Variants in ANKRD29 observed in about 807,000 individuals in gnomAD.
ANKRD29 encodes ankyrin repeat domain-containing protein 29.
In ANKRD29, 32 loss-of-function variants were observed where a neutral mutation model predicts 38.0. The ratio of observed to expected loss-of-function variants is 0.84; its 90% CI spans 0.64 to 1.13. The LOEUF (loss-of-function observed/expected upper bound fraction) is 1.13. Ranked by LOEUF, ANKRD29 falls within the 50% of genes most tolerant of loss-of-function variation. The probability of loss-of-function intolerance (pLI) is 0.00; values close to 1 mark genes in which losing one functional copy is unlikely to be tolerated. For missense variants in ANKRD29, 357 were observed against 377.9 expected (o/e 0.94, Z 0.46); for synonymous variants, 135 against 152.4 (o/e 0.89, Z 0.84).
In ANKRD29 at chr18:23,649,134, C is replaced by T; in HGVS notation, c.81G>A (p.Leu27=). ...GGCCGCTGTTCAACAGCAGCTTCAGCAGCGCCAGGTTTCCTCTCCTGGCTG... is the reference window on the plus strand; with the variant it reads ...GGCCGCTGTTCAACAGCAGCTTCAGTAGCGCCAGGTTTCCTCTCCTGGCTG... ...FWAARRGNLA[L]LKLLLNSGRV... is the part of the protein sequence containing the mutation. The change falls in exon 2 of 10, where the codon CTG becomes CTA. Residue 27 remains leucine (L), a synonymous_variant. Coordinates refer to ENST00000592179, the MANE Select transcript of ANKRD29 (RefSeq NM_173505.4). 3 of 1,614,226 alleles carry T rather than the reference C, an allele frequency of 1.9e-6. No individual in the cohort carries two copies. Among genetic ancestry groups the T allele is most frequent in the Non-Finnish European group, 2.5e-6 (3 of 1,180,008 alleles).
At chr18:23,608,120 A>G (rs1219315826) in intron 9 of ANKRD29, among the ~76,000 whole-genome samples, 1 of 152,190 alleles carries the variant, frequency 6.6e-6, no homozygotes, top group Non-Finnish European at 1.5e-5. Flanking sequence ...AATTGCTTTA[A>G]TTGTCTTTAT....
At chr18:23,617,312 T>C (rs570011314) in intron 8 of ANKRD29, among the ~76,000 whole-genome samples, 1 of 152,166 alleles carries the variant, frequency 6.6e-6, no homozygotes, top group Non-Finnish European at 1.5e-5. Flanking sequence ...ACTGACATAT[T>C]TTCTGAGGCT....
intron 2 of ANKRD29, chr18:23,646,497 T>C (rs1217165970): frequency 2.2e-6 from 1 of 464,604 alleles, no homozygotes; most frequent in Non-Finnish European, 3.8e-6. Flanking sequence ...GAATTTTCGA[T>C]GTAAAAATTC....
rs1446746287 is a variant in ANKRD29, at chr18:23,662,735, G to A, written c.-5C>T. ...CTTGAAGGACATCCTGCACATGTCCGCGGCCGCCCGAGCGGGAGCCGGCGC... is the reference window on the plus strand; with the variant it reads ...CTTGAAGGACATCCTGCACATGTCCACGGCCGCCCGAGCGGGAGCCGGCGC... On this transcript the variant is annotated 5_prime_UTR_variant, in exon 1 of 10. Coordinates refer to ENST00000592179, the MANE Select transcript of ANKRD29 (RefSeq NM_173505.4). The A allele has an allele frequency of 2.0e-6, 3 of 1,465,056 alleles. No homozygotes were observed. The highest frequency in any genetic ancestry group is 2.4e-5 in the Admixed American group (1 of 42,314). The allele number at this position is 1,465,056 out of a possible 1,614,324, so 90.8% of individuals were successfully genotyped here.
Position 23,630,449 on chromosome 18 carries a change from A to T in ANKRD29, c.430-498T>A, listed in dbSNP as rs1027075797. Among the ~76,000 whole-genome samples the T allele has an allele frequency of 5.9e-5, 9 of 151,836 alleles. No homozygotes were observed. The South Asian group carries it at 1.3e-3, about 21-fold the overall frequency. On this transcript the variant is annotated intron_variant, in intron 5 of 9. Coordinates refer to ENST00000592179, the MANE Select transcript of ANKRD29 (RefSeq NM_173505.4). ...TCAAAAAACAAAAAATCAAAAAACAAAAAACAAATAAAAATACAAAAATTA... is the reference window on the plus strand; with the variant it reads ...TCAAAAAACAAAAAATCAAAAAACATAAAACAAATAAAAATACAAAAATTA...
intron 4 of ANKRD29, among the ~76,000 whole-genome samples, chr18:23,635,525 T>C (rs1394540614): frequency 6.6e-6 from 1 of 152,218 alleles, no homozygotes; most frequent in South Asian, 2.1e-4. Context: ...TCTAGCGTTG[T>C]TGAGTTGTTT....
intron 4 of ANKRD29, among the ~76,000 whole-genome samples, chr18:23,636,308 A>AT (rs1232286653): frequency 1.3e-5 from 2 of 151,718 alleles, no homozygotes; most frequent in African/African-American, 2.4e-5. Flanking sequence ...CTTTTAAAAT[A>AT]TTTTTTACTT....
chr18:23,620,201 G>T (rs1045261115), intron 6 of ANKRD29, among the ~76,000 whole-genome samples: 1 of 152,122 alleles, frequency 6.6e-6, no homozygotes, highest in African/African-American at 2.4e-5. Flanking sequence ...TACTCTTCTA[G>T]TCTGGTGTCC....
intron 3 of ANKRD29, among the ~76,000 whole-genome samples, chr18:23,644,779 C>T (rs1040931778): frequency 6.6e-6 from 1 of 152,234 alleles, no homozygotes; most frequent in Non-Finnish European, 1.5e-5. Flanking sequence ...TCATGGCTCA[C>T]TGCAGCCTGT....
At chr18:23,603,530 G>A (rs1330582897) in intron 9 of ANKRD29, among the ~76,000 whole-genome samples, 1 of 152,224 alleles carries the variant, frequency 6.6e-6, no homozygotes, top group African/African-American at 2.4e-5. Flanking sequence ...CTACTCAGGA[G>A]GCTGAGGCAG....
chr18:23,619,429 G>T, intron 7 of ANKRD29, 102 bp downstream of exon 7: 2 of 1,119,734 alleles, frequency 1.8e-6, no homozygotes, highest in Non-Finnish European at 2.5e-6. Context: ...GAAGGAGGTT[G>T]GGAGGAAACC....
At chr18:23,652,925 T>C (rs2060227737) in intron 1 of ANKRD29, among the ~76,000 whole-genome samples, 1 of 152,258 alleles carries the variant, frequency 6.6e-6, no homozygotes, top group South Asian at 2.1e-4. Context: ...TATATAATGA[T>C]AGGCTGCATA....
chr18:23,611,217 C>T (rs1358358565), intron 9 of ANKRD29, among the ~76,000 whole-genome samples: 1 of 152,154 alleles, frequency 6.6e-6, no homozygotes, highest in Non-Finnish European at 1.5e-5. Context: ...ACAAAAGCAA[C>T]CAAATATAGC....
chr18:23,644,093 T>C lies in ANKRD29; in HGVS notation c.231+2096A>G, dbSNP rs139708608. On this transcript the variant is annotated intron_variant, in intron 3 of 9. Coordinates refer to ENST00000592179, the MANE Select transcript of ANKRD29 (RefSeq NM_173505.4). ...CAGGTTACCTTTAAGCTGAGTACAC[T>C]TTGGTAAATCTTCAAAGGCTTTTGT... 5.9e-3 allele frequency among the ~76,000 whole-genome samples: 892 copies of C among 152,352 alleles called. 5 individuals are homozygous for C. The highest frequency in any genetic ancestry group is 0.017 in the Middle Eastern group (5 of 294).
chr18:23,642,069 C>CAAAGTGGGAGACAGAA, intron 3 of ANKRD29, among the ~76,000 whole-genome samples: 1 of 152,148 alleles, frequency 6.6e-6, no homozygotes, highest in Non-Finnish European at 1.5e-5. Context: ...CTTTGGGTCT[C>CAAAGTGGGAGACAGAA]CTGGGAGGTG....
chr18:23,605,111 G>T (rs1206193051), intron 9 of ANKRD29, among the ~76,000 whole-genome samples: 1 of 151,916 alleles, frequency 6.6e-6, no homozygotes, highest in Non-Finnish European at 1.5e-5. Flanking sequence ...AGTAGAGATG[G>T]GGTTTCGCCA....
At position 23,630,095 on chromosome 18, in the gene ANKRD29, C is replaced by G. The variant is rs529983146; in HGVS notation, c.430-144G>C. The G allele has an allele frequency of 6.6e-5, 44 of 665,286 alleles. No individual in the cohort carries two copies. The African/African-American group carries it at 7.8e-4, about 12-fold the overall frequency. 41.2% of individuals were successfully genotyped at this position (665,286 alleles called of 1,614,324 possible). On this transcript the variant is annotated intron_variant, in intron 5 of 9. Transcript: ENST00000592179. The stretch of plus-strand genomic sequence containing the variant: ...GGTGAATCCAGGAGATAGAGACCAG[C>G]CTGGCCAATATGGTGAAATCCCGTC...
intron 6 of ANKRD29, among the ~76,000 whole-genome samples, chr18:23,622,582 C>T (rs1425851258): frequency 6.6e-6 from 1 of 152,104 alleles, no homozygotes; most frequent in African/African-American, 2.4e-5. Context: ...TACCTACCTA[C>T]CTATCATGGA....
At chr18:23,632,533 G>GTGTATATA (rs371646966) in intron 5 of ANKRD29, among the ~76,000 whole-genome samples, 5 of 130,904 alleles carry the variant, frequency 3.8e-5, no homozygotes, top group African/African-American at 1.6e-4. Context: ...GTGTGTGTGT[G>GTGTATATA]TATATATATA....
Sources: allele counts gnomAD v4.1 joint callset (sites outside exome capture counted in the v4.1 genomes callset), GRCh38; gene constraint gnomAD v4.1.1; transcripts MANE v1.5; gene names NCBI Gene and HGNC (gene_info 2026-07-23, HGNC 2026-07-21).